The following BRINP1 variants were observed in gnomAD, a reference collection of about 807,000 sequenced individuals.
BRINP1 encodes BMP/retinoic acid inducible neural specific 1.
In BRINP1, 17 loss-of-function variants were observed where a neutral mutation model predicts 72.9. The ratio of observed to expected loss-of-function variants is 0.23; its 90% CI spans 0.16 to 0.35. The LOEUF is 0.35. Among genes scored for constraint, BRINP1 ranks in the 10% least tolerant of loss-of-function variants. The pLI is 1.00. For missense variants in BRINP1, 850 were observed against 1,001.6 expected, an observed-to-expected ratio of 0.85 and a Z score of 2.04; for synonymous variants, 418 against 378.5, an observed-to-expected ratio of 1.10 and a Z score of -1.21.
chr9:119,254,785 A>G (rs1166188978), intron 2 of BRINP1, among the ~76,000 whole-genome samples: 1 of 152,198 alleles, frequency 6.6e-6, no homozygotes, highest in East Asian at 1.9e-4. Flanking sequence ...TTGTACAGGG[A>G]AACAGTCATA....
At chr9:119,180,451 G>A (rs1366375829) in intron 7 of BRINP1, among the ~76,000 whole-genome samples, 1 of 150,268 alleles carries the variant, frequency 6.7e-6, no homozygotes, top group South Asian at 2.1e-4. Context: ...CTGTTCTTTA[G>A]TTGTGCTGTG....
intron 1 of BRINP1, among the ~76,000 whole-genome samples, chr9:119,327,571 G>A (rs1394172516): frequency 6.6e-6 from 1 of 152,192 alleles, no homozygotes; most frequent in Admixed American, 6.5e-5. Flanking sequence ...GGGGTTAGTG[G>A]AGAGATTTAA....
chr9:119,297,818 T>TAATTAATAATAATAATA (rs1173874558), intron 2 of BRINP1, among the ~76,000 whole-genome samples: 3 of 137,240 alleles, frequency 2.2e-5, no homozygotes, highest in Non-Finnish European at 3.4e-5. Flanking sequence ...CCCTTTCTAA[T>TAATTAATAATAATAATA]AATTAATAAT....
At position 119,208,874 on chromosome 9, in the gene BRINP1, C is replaced by T. The variant is rs201484856; in HGVS notation, c.990G>A (p.Gln330=). The change falls in exon 7 of 8, where the codon CAG becomes CAA. Residue 330 remains glutamine (Q), a synonymous_variant. Transcript: ENST00000265922. ...NHFLTIGSIH[Q]HWGNDWDLQN... ...GCAGGTCCCAGTCATTGCCCCAGTG[C>T]TGATGGATGCTTCCGATGGTCAGGA... 9.6e-5 allele frequency: 155 copies of T among 1,614,132 alleles called. No individual in the cohort carries two copies. The highest frequency in any genetic ancestry group is 1.7e-4 in the Middle Eastern group (1 of 6,060).
intron 7 of BRINP1, among the ~76,000 whole-genome samples, chr9:119,181,483 T>C (rs1328742592): frequency 1.3e-5 from 2 of 152,178 alleles, no homozygotes; most frequent in Non-Finnish European, 2.9e-5. Flanking sequence ...ATCTGTCAAA[T>C]GGGGAAGGTA....
chr9:119,341,014 T>G (rs1346289651), intron 1 of BRINP1, among the ~76,000 whole-genome samples: 2 of 152,188 alleles, frequency 1.3e-5, no homozygotes, highest in East Asian at 3.9e-4. Context: ...TTCTAAGGGT[T>G]AAGATAGCCA....
At chr9:119,297,055 G>C (rs910885333) in intron 2 of BRINP1, among the ~76,000 whole-genome samples, 4 of 152,062 alleles carry the variant, frequency 2.6e-5, no homozygotes, top group Admixed American at 1.3e-4. Flanking sequence ...GTTACTGTGT[G>C]GGTGATGGAC....
intron 2 of BRINP1, among the ~76,000 whole-genome samples, chr9:119,297,175 T>C (rs866428940): frequency 6.6e-6 from 1 of 152,162 alleles, no homozygotes; most frequent in Admixed American, 6.5e-5. Context: ...TATACTTCAA[T>C]AAAACTTAAA....
intron 7 of BRINP1, among the ~76,000 whole-genome samples, chr9:119,201,057 T>G (rs998978164): frequency 3.9e-5 from 6 of 152,188 alleles, no homozygotes; most frequent in Admixed American, 1.3e-4. Context: ...GTCAGCCACC[T>G]GAGGATTTTG....
At chr9:119,202,672 G>A (rs752277541) in intron 7 of BRINP1, among the ~76,000 whole-genome samples, 10 of 152,060 alleles carry the variant, frequency 6.6e-5, no homozygotes, top group African/African-American at 2.4e-4. Flanking sequence ...TGACACTAGG[G>A]TCAGCTCTCC....
intron 1 of BRINP1, among the ~76,000 whole-genome samples, chr9:119,315,983 T>C (rs376773072): frequency 5.9e-5 from 9 of 152,168 alleles, no homozygotes; most frequent in East Asian, 5.8e-4. Context: ...CTCTGTAACA[T>C]GAAAGTACAA....
intron 7 of BRINP1, among the ~76,000 whole-genome samples, chr9:119,194,546 A>G (rs1011659651): frequency 6.6e-6 from 1 of 152,194 alleles, no homozygotes; most frequent in Non-Finnish European, 1.5e-5. Context: ...AGAAGCAGAG[A>G]GTTTTCTCTC....
chr9:119,335,784 G>C (rs1831340285), intron 1 of BRINP1, among the ~76,000 whole-genome samples: 1 of 152,200 alleles, frequency 6.6e-6, no homozygotes, highest in Admixed American at 6.5e-5. Flanking sequence ...CTTTCTGTGA[G>C]ATTATCAACA....
intron 7 of BRINP1, among the ~76,000 whole-genome samples, chr9:119,194,916 C>T (rs1335824974): frequency 6.6e-6 from 1 of 152,136 alleles, no homozygotes; most frequent in Non-Finnish European, 1.5e-5. Context: ...CATGAAGTCT[C>T]TTAATTTATG....
intron 2 of BRINP1, among the ~76,000 whole-genome samples, chr9:119,284,872 C>T (rs1183709253): frequency 6.6e-6 from 1 of 152,054 alleles, no homozygotes; most frequent in Non-Finnish European, 1.5e-5. Context: ...ATGGAAATCT[C>T]TTTGGAAATG....
chr9:119,216,515 T>G (rs2118879816), intron 5 of BRINP1, among the ~76,000 whole-genome samples: 1 of 152,332 alleles, frequency 6.6e-6, no homozygotes, highest in South Asian at 2.1e-4. Flanking sequence ...CTACAATTCT[T>G]TCAGAGTGTG....
intron 4 of BRINP1, among the ~76,000 whole-genome samples, chr9:119,239,185 G>C (rs1272199002): frequency 2.0e-5 from 3 of 152,230 alleles, no homozygotes; most frequent in African/African-American, 7.2e-5. Flanking sequence ...CTCTTCCAGA[G>C]AGGTTGTGAG....
intron 2 of BRINP1, among the ~76,000 whole-genome samples, chr9:119,267,409 C>T (rs752721626): frequency 3.7e-4 from 57 of 152,116 alleles, no homozygotes; most frequent in Middle Eastern, 6.8e-3. Flanking sequence ...CTGAGGTGGG[C>T]GGATCACCTG....
At chr9:119,207,506 T>G (rs994627376) in intron 7 of BRINP1, among the ~76,000 whole-genome samples, 1 of 152,206 alleles carries the variant, frequency 6.6e-6, no homozygotes, top group Non-Finnish European at 1.5e-5. Flanking sequence ...ACCAGCAACT[T>G]TTGAAGTCAC....
Sources: gnomAD v4.1 joint callset for allele counts (sites outside exome capture counted in the v4.1 genomes callset) on GRCh38, gnomAD v4.1.1 for gene constraint, MANE v1.5 for transcripts, NCBI Gene and HGNC (gene_info 2026-07-23, HGNC 2026-07-21) for gene names.